The following TGM4 variants were observed in gnomAD, a reference collection of about 807,000 sequenced individuals.
The protein encoded by TGM4 is protein-glutamine gamma-glutamyltransferase 4.
A neutral mutation model predicts 76.3 loss-of-function variants in TGM4; 61 were observed. The ratio of observed to expected loss-of-function variants is 0.80; its 90% CI spans 0.65 to 0.99. The LOEUF (loss-of-function observed/expected upper bound fraction) is 0.99. TGM4 is among the 50% of genes least tolerant of loss of function. The pLI is 0.00. For synonymous variants in TGM4, 337 were observed against 329.8 expected (o/e 1.02, Z -0.24); for missense variants, 794 against 843.2 (o/e 0.94, Z 0.72).
chr3:44,886,361 A>G (rs557604307), intron 2 of TGM4, among the ~76,000 whole-genome samples: 2 of 152,300 alleles, frequency 1.3e-5, no homozygotes, highest in African/African-American at 4.8e-5. Flanking sequence ...TAGATCAGGT[A>G]GATCTACTTT....
chr3:44,879,513 C>G (rs1699502725), intron 1 of TGM4, among the ~76,000 whole-genome samples: 1 of 148,020 alleles, frequency 6.8e-6, no homozygotes, highest in East Asian at 2.0e-4. Flanking sequence ...CACTCTGTCG[C>G]CCAGGCTGGA....
At chr3:44,887,897 T>C (rs1699634972) in intron 3 of TGM4, 102 bp downstream of exon 3, 1 of 1,039,106 alleles carries the variant, frequency 9.6e-7, no homozygotes, top group East Asian at 2.6e-5. Flanking sequence ...GCTGGTAACA[T>C]GGTTTAAAGC....
At chr3:44,882,057 C>CT (rs60542332) in intron 1 of TGM4, among the ~76,000 whole-genome samples, 39,483 of 103,786 alleles carry the variant, frequency 0.38, 8,232 homozygotes, top group Admixed American at 0.43. Context: ...AATACAAACG[C>CT]TTTTTTTTTT....
chr3:44,893,785 A>T, intron 5 of TGM4, 90 bp downstream of exon 5: 1 of 1,239,056 alleles, frequency 8.1e-7, no homozygotes, highest in Non-Finnish European at 1.2e-6. Context: ...TTCTGGAGAA[A>T]GGGTTGTGAA....
At chr3:44,878,790 A>G (rs1172048769) in intron 1 of TGM4, among the ~76,000 whole-genome samples, 1 of 151,848 alleles carries the variant, frequency 6.6e-6, no homozygotes, top group African/African-American at 2.4e-5. Context: ...CCTCTTCTTT[A>G]TCCTATTTGT....
intron 13 of TGM4, among the ~76,000 whole-genome samples, chr3:44,913,000 G>GA (rs1230490521): frequency 2.6e-5 from 4 of 152,320 alleles, no homozygotes; most frequent in Non-Finnish European, 5.9e-5. Context: ...CAGGATGTCT[G>GA]AATCTTCCAA....
In TGM4 at chr3:44,885,348, T is replaced by C; in HGVS notation, c.43T>C (p.Phe15Leu). 1 of 1,609,696 alleles carries C rather than the reference T, an allele frequency of 6.2e-7. No individual in the cohort carries two copies. The highest frequency in any genetic ancestry group is 8.5e-7 in the Non-Finnish European group (1 of 1,176,366). The change falls in exon 2 of 14, where the codon TTC (phenylalanine) becomes CTC (leucine). Residue 15 changes from phenylalanine to leucine, a missense_variant. Phe to Leu is a conservative substitution (Grantham distance 22). Coordinates refer to ENST00000296125, the MANE Select transcript of TGM4 (RefSeq NM_003241.4). ...AGAGCTGCAAGTTCTCCACATTGAC[T>C]TCTTGAATCAGGACAACGCCGTTTC... is the stretch of plus-strand genomic sequence containing the variant. ...SKELQVLHID[F>L]LNQDNAVSHH... is the part of the protein sequence containing the mutation.
chr3:44,876,730 G>T (rs543481608), intron 1 of TGM4, among the ~76,000 whole-genome samples: 1 of 151,998 alleles, frequency 6.6e-6, no homozygotes, highest in African/African-American at 2.4e-5. Context: ...TAAAGGAAAA[G>T]AACAGTAAAA....
Position 44,901,905 on chromosome 3 carries a change from C to T in TGM4, c.945C>T (p.Ile315=). 6.2e-7 allele frequency: 1 copy of T among 1,613,224 alleles called. No individual in the cohort carries two copies. The highest frequency in any genetic ancestry group is 2.2e-5 in the East Asian group (1 of 44,874). The change falls in exon 8 of 14, where the codon ATC becomes ATT. Residue 315 remains isoleucine, a synonymous_variant. Transcript: ENST00000296125. The part of the protein sequence containing the change: ...DTYVNENGEK[I]TSMTHDSVWN... The stretch of plus-strand genomic sequence containing the variant: ...ATGTGAATGAGAATGGCGAGAAAAT[C>T]ACCAGTATGACCCACGACTCTGTCT...
chr3:44,886,038 T>G (rs901567361), intron 2 of TGM4, among the ~76,000 whole-genome samples: 1 of 152,170 alleles, frequency 6.6e-6, no homozygotes, highest in African/African-American at 2.4e-5. Context: ...ATGTTGTTTT[T>G]AAGTTTTAAA....
intron 6 of TGM4, among the ~76,000 whole-genome samples, chr3:44,901,150 G>GGATC (rs1699847151): frequency 6.6e-6 from 1 of 152,138 alleles, no homozygotes; most frequent in Non-Finnish European, 1.5e-5. Flanking sequence ...TGAGGTGGGA[G>GGATC]GATCACCTGA....
intron 2 of TGM4, among the ~76,000 whole-genome samples, chr3:44,886,797 G>C (rs1699613727): frequency 6.6e-6 from 1 of 152,244 alleles, no homozygotes; most frequent in Admixed American, 6.5e-5. Context: ...TACTAGCAGA[G>C]AGAGCAGTAA....
chr3:44,875,312 T>C (rs1699437205), intron 1 of TGM4, among the ~76,000 whole-genome samples: 1 of 152,260 alleles, frequency 6.6e-6, no homozygotes, highest in African/African-American at 2.4e-5. Flanking sequence ...TCTGTCATTC[T>C]TGGAGTTTTG....
At chr3:44,885,530 T>TG in intron 2 of TGM4, 32 bp downstream of exon 2, 1 of 1,594,304 alleles carries the variant, frequency 6.3e-7, no homozygotes, top group Non-Finnish European at 8.6e-7. Flanking sequence ...CATGGGGCTT[T>TG]GGGGAGGGAT....
chr3:44,885,483 CTG>C lies in TGM4; in HGVS notation c.179_180del (p.Leu60ArgfsTer9). ...QPLQSYHQLK[L>X]EFSTGPNPSI... The stretch of plus-strand genomic sequence containing the variant: ...CCTACAATCCTACCACCAACTGAAA[CTG>C]GAATTCAGCACAGGTGAAGCCTCGG... On this transcript the variant is annotated frameshift_variant, in exon 2 of 14. Coordinates refer to ENST00000296125, the MANE Select transcript of TGM4 (RefSeq NM_003241.4). LOFTEE classifies it high-confidence loss of function. 6.2e-7 allele frequency: 1 copy of C among 1,611,518 alleles called. No individual in the cohort carries two copies.
chr3:44,891,212 C>T (rs935175874), intron 4 of TGM4, among the ~76,000 whole-genome samples: 1 of 152,216 alleles, frequency 6.6e-6, no homozygotes, highest in African/African-American at 2.4e-5. Context: ...ATTACCAGCA[C>T]TGGCTTCTCT....
At chr3:44,883,549 C>T (rs1038234239) in intron 1 of TGM4, among the ~76,000 whole-genome samples, 1 of 152,202 alleles carries the variant, frequency 6.6e-6, no homozygotes, top group Admixed American at 6.5e-5. Flanking sequence ...CACAAATGGG[C>T]TAAGATGCTC....
intron 4 of TGM4, among the ~76,000 whole-genome samples, chr3:44,892,259 A>AAAAT (rs898368299): frequency 4.6e-5 from 7 of 151,678 alleles, no homozygotes; most frequent in African/African-American, 9.7e-5. Context: ...CTCTGTCTCA[A>AAAAT]AAATAAATAA....
intron 10 of TGM4, 82 bp downstream of exon 10, chr3:44,907,282 G>C (rs999875469): frequency 6.9e-7 from 1 of 1,459,740 alleles, no homozygotes; most frequent in African/African-American, 1.4e-5. Flanking sequence ...GGGTGGGCCT[G>C]GGCAACATGG....
Sources: gnomAD v4.1 joint callset for allele counts (sites outside exome capture counted in the v4.1 genomes callset) on GRCh38, gnomAD v4.1.1 for gene constraint, MANE v1.5 for transcripts, NCBI Gene and HGNC (gene_info 2026-07-23, HGNC 2026-07-21) for gene names.